Variants in SLC6A11 observed in about 807,000 individuals in gnomAD.
SLC6A11 encodes solute carrier family 6 member 11.
A neutral mutation model predicts 74.8 loss-of-function variants in SLC6A11; 25 were observed. The observed-to-expected ratio is 0.33, with a 90% confidence interval of 0.24 to 0.47. The LOEUF (loss-of-function observed/expected upper bound fraction) is 0.47. Ranked by LOEUF, SLC6A11 falls within the 20% of genes least tolerant of loss-of-function variation. The pLI, the probability that SLC6A11 is intolerant of heterozygous loss-of-function variation, is 1.00. For missense variants in SLC6A11, 574 were observed against 837.0 expected (o/e 0.69, Z 3.88); for synonymous variants, 330 against 330.2 (o/e 1.00, Z 0.01).
At chr3:10,885,009 C>T (rs2106611580) in intron 6 of SLC6A11, among the ~76,000 whole-genome samples, 1 of 152,170 alleles carries the variant, frequency 6.6e-6, no homozygotes, top group Non-Finnish European at 1.5e-5. Context: ...TCGGCCTCCT[C>T]CGAGTGAATA....
intron 8 of SLC6A11, among the ~76,000 whole-genome samples, chr3:10,921,830 A>G (rs1186421486): frequency 6.6e-6 from 1 of 150,520 alleles, no homozygotes; most frequent in Non-Finnish European, 1.5e-5. Context: ...TGGCTTGACT[A>G]TTAGTGTGGA....
intron 4 of SLC6A11, among the ~76,000 whole-genome samples, chr3:10,834,694 A>T (rs1001038268): frequency 6.6e-6 from 1 of 152,110 alleles, no homozygotes; most frequent in African/African-American, 2.4e-5. Flanking sequence ...GACATGCAGG[A>T]TGGGGGAGAA....
intron 3 of SLC6A11, among the ~76,000 whole-genome samples, chr3:10,820,717 G>A (rs1694127332): frequency 6.6e-6 from 1 of 152,144 alleles, no homozygotes; most frequent in African/African-American, 2.4e-5. Flanking sequence ...AGCTGGCCAT[G>A]CTCACAGAAG....
intron 3 of SLC6A11, 53 bp from the exon 4 acceptor site, chr3:10,823,249 C>T: frequency 7.4e-7 from 1 of 1,346,222 alleles, no homozygotes; most frequent in East Asian, 2.3e-5. Flanking sequence ...TTTCAGGATT[C>T]AGCTTTCATG....
chr3:10,901,042 T>C (rs575613782), intron 6 of SLC6A11, among the ~76,000 whole-genome samples: 9 of 152,104 alleles, frequency 5.9e-5, no homozygotes, highest in South Asian at 2.1e-4. Context: ...TCCTGCACAA[T>C]GAATTATCCA....
intron 9 of SLC6A11, among the ~76,000 whole-genome samples, chr3:10,928,322 G>T (rs1487409057): frequency 1.3e-5 from 2 of 152,236 alleles, no homozygotes; most frequent in East Asian, 3.9e-4. Context: ...TAAGGAGACA[G>T]ATATAAGCAG....
rs970558810 is a variant in SLC6A11, at chr3:10,829,665, C to T, written c.623+6273C>T. Reference sequence around the variant, plus strand: ...ACCTGAAGAGCCTCTGCCTGCTCCTCTGAATATGGGATGATGTATGGTAAA... The same window carrying T: ...ACCTGAAGAGCCTCTGCCTGCTCCTTTGAATATGGGATGATGTATGGTAAA... On this transcript the variant is annotated intron_variant, in intron 4 of 13. Coordinates refer to ENST00000254488, the MANE Select transcript of SLC6A11 (RefSeq NM_014229.3). Among the ~76,000 whole-genome samples the T allele has an allele frequency of 1.2e-4, 19 of 152,208 alleles. 1 individual carries two copies. Among genetic ancestry groups the T allele is most frequent in the African/African-American group, 4.6e-4 (19 of 41,440 alleles).
chr3:10,910,112 C>A (rs534306184), intron 6 of SLC6A11, among the ~76,000 whole-genome samples: 1 of 152,288 alleles, frequency 6.6e-6, no homozygotes, highest in Non-Finnish European at 1.5e-5. Flanking sequence ...AAAAGCTCTC[C>A]TTAAGTTCCT....
chr3:10,931,422 A>G (rs918232975), intron 10 of SLC6A11, among the ~76,000 whole-genome samples: 24 of 152,142 alleles, frequency 1.6e-4, no homozygotes, highest in African/African-American at 5.6e-4. Context: ...GTATTAACTC[A>G]GAAATACAAG....
At chr3:10,901,804 C>T (rs1453439839) in intron 6 of SLC6A11, among the ~76,000 whole-genome samples, 1 of 152,226 alleles carries the variant, frequency 6.6e-6, no homozygotes, top group East Asian at 1.9e-4. Flanking sequence ...GCAAGGGCGC[C>T]TAGCAACCCA....
chr3:10,845,581 C>G (rs1694492953), intron 5 of SLC6A11, among the ~76,000 whole-genome samples: 1 of 152,152 alleles, frequency 6.6e-6, no homozygotes, highest in South Asian at 2.1e-4. Flanking sequence ...TTCCCCTCAG[C>G]TCCCACAATG....
At chr3:10,834,273 T>C (rs78902928) in intron 4 of SLC6A11, among the ~76,000 whole-genome samples, 5,963 of 152,170 alleles carry the variant, frequency 0.039, 133 homozygotes, top group Middle Eastern at 0.068. Context: ...TTATCCCAGG[T>C]GCAGAGTCGG....
In SLC6A11 at chr3:10,819,783, A is replaced by AT; in HGVS notation, c.469dup (p.Tyr157LeufsTer9). On this transcript the variant is annotated frameshift_variant, in exon 3 of 14. Transcript: ENST00000254488. LOFTEE classifies it high-confidence loss of function. Reference sequence around the variant, plus strand: ...CTACATCATCATCCTGGCATGGGCCATTTTTTACCTGAGCAACTGCTTCAC... The same window carrying AT: ...CTACATCATCATCCTGGCATGGGCCATTTTTTTACCTGAGCAACTGCTTCAC... The AT allele has an allele frequency of 6.2e-7, 1 of 1,614,158 alleles. No individual in the cohort carries two copies. The highest frequency in any genetic ancestry group is 8.5e-7 in the Non-Finnish European group (1 of 1,180,022).
chr3:10,857,043 A>G (rs1199045243), intron 5 of SLC6A11, among the ~76,000 whole-genome samples: 1 of 152,228 alleles, frequency 6.6e-6, no homozygotes, highest in Non-Finnish European at 1.5e-5. Flanking sequence ...CTCCAACTTC[A>G]AAGTGCTCTC....
chr3:10,856,589 C>T (rs1030357524), intron 5 of SLC6A11, among the ~76,000 whole-genome samples: 1 of 152,176 alleles, frequency 6.6e-6, no homozygotes, highest in Non-Finnish European at 1.5e-5. Context: ...CCCAGGTCTA[C>T]CAAGGTAGAA....
intron 5 of SLC6A11, among the ~76,000 whole-genome samples, chr3:10,856,917 G>A (rs575987239): frequency 2.6e-5 from 4 of 152,226 alleles, no homozygotes; most frequent in Non-Finnish European, 4.4e-5. Flanking sequence ...CCCACCTCAC[G>A]GGTTGTTATA....
chr3:10,899,287 T>C (rs1414900490), intron 6 of SLC6A11, among the ~76,000 whole-genome samples: 1 of 152,182 alleles, frequency 6.6e-6, no homozygotes, highest in East Asian at 1.9e-4. Context: ...GGGAGGAGAC[T>C]CTTCCACTGT....
At chr3:10,829,120 C>T (rs147457701) in intron 4 of SLC6A11, among the ~76,000 whole-genome samples, 1 of 152,330 alleles carries the variant, frequency 6.6e-6, no homozygotes, top group East Asian at 1.9e-4. Flanking sequence ...AAGCCCAGCC[C>T]ATCTTAAGCT....
intron 6 of SLC6A11, among the ~76,000 whole-genome samples, chr3:10,886,433 AGATATTCCT>A (rs1695043561): frequency 6.6e-6 from 1 of 152,112 alleles, no homozygotes; most frequent in Admixed American, 6.5e-5. Flanking sequence ...CTCTCCCCTG[AGATATTCCT>A]GTGGCTGGCT....
Sources: allele counts gnomAD v4.1 joint callset (sites outside exome capture counted in the v4.1 genomes callset), GRCh38; gene constraint gnomAD v4.1.1; transcripts MANE v1.5; gene names NCBI Gene and HGNC (gene_info 2026-07-23, HGNC 2026-07-21).